PARD3: variants seen among roughly 807,000 people sequenced by gnomAD.
PARD3 encodes the protein par-3 family cell polarity regulator.
In PARD3, 75 loss-of-function variants were observed where a neutral mutation model predicts 155.4. That is an observed-to-expected ratio of 0.48 (90% CI 0.40 to 0.58). The LOEUF (loss-of-function observed/expected upper bound fraction) is 0.58. PARD3 is among the 20% of genes least tolerant of loss of function. PARD3 has a pLI of 0.00. For missense variants in PARD3, 1,642 were observed against 1,721.7 expected (o/e 0.95, Z 0.82); for synonymous variants, 576 against 610.5 (o/e 0.94, Z 0.83).
intron 5 of PARD3, among the ~76,000 whole-genome samples, chr10:34,448,589 CAGG>C (rs1251009500): frequency 6.6e-6 from 1 of 152,030 alleles, no homozygotes; most frequent in Non-Finnish European, 1.5e-5. Flanking sequence ...TGCTTGAGGC[CAGG>C]AGTTCAAGAC....
chr10:34,458,971 A>G (rs1016609008), intron 4 of PARD3, among the ~76,000 whole-genome samples: 2 of 152,188 alleles, frequency 1.3e-5, no homozygotes, highest in Non-Finnish European at 2.9e-5. Flanking sequence ...TGTGTGAAAG[A>G]ATAAATAAAT....
intron 22 of PARD3, among the ~76,000 whole-genome samples, chr10:34,255,339 C>T (rs919662542): frequency 1.3e-5 from 2 of 152,198 alleles, no homozygotes; most frequent in Non-Finnish European, 2.9e-5. Context: ...ACAACCTCAG[C>T]ACACCCCAAT....
intron 2 of PARD3, among the ~76,000 whole-genome samples, chr10:34,566,380 C>T (rs1249062223): frequency 6.6e-6 from 1 of 152,142 alleles, no homozygotes; most frequent in African/African-American, 2.4e-5. Context: ...CAGATTAAAA[C>T]CCTTGAAAAT....
At chr10:34,463,966 G>A (rs2077845413) in intron 4 of PARD3, among the ~76,000 whole-genome samples, 2 of 152,140 alleles carry the variant, frequency 1.3e-5, no homozygotes, top group Admixed American at 6.6e-5. Context: ...TTGTGTAAGT[G>A]CACTCTATGA....
At chr10:34,444,114 C>G (rs968468884) in intron 5 of PARD3, among the ~76,000 whole-genome samples, 1 of 152,220 alleles carries the variant, frequency 6.6e-6, no homozygotes, top group African/African-American at 2.4e-5. Context: ...AAGGTCAGGG[C>G]AGTCATTCCC....
intron 4 of PARD3, 47 bp downstream of exon 4, chr10:34,470,038 A>T: frequency 6.8e-7 from 1 of 1,469,618 alleles, no homozygotes; most frequent in East Asian, 2.4e-5. Flanking sequence ...GGACACCAAG[A>T]AGTCAGGAGG....
intron 5 of PARD3, among the ~76,000 whole-genome samples, chr10:34,431,802 C>A (rs1589551373): frequency 8.8e-6 from 1 of 113,724 alleles, no homozygotes; most frequent in Non-Finnish European, 1.9e-5. Flanking sequence ...GTAATCCCAG[C>A]AGTTTGGGAG....
intron 22 of PARD3, among the ~76,000 whole-genome samples, chr10:34,185,420 TA>T (rs1477322141): frequency 6.6e-6 from 1 of 152,178 alleles, no homozygotes; most frequent in Non-Finnish European, 1.5e-5. Flanking sequence ...CAAACATACT[TA>T]AAAAGAGAAA....
intron 2 of PARD3, among the ~76,000 whole-genome samples, chr10:34,522,443 T>C (rs1008553644): frequency 1.3e-5 from 2 of 152,232 alleles, no homozygotes; most frequent in Non-Finnish European, 2.9e-5. Context: ...CACTTATGCC[T>C]GCTCTGCCAG....
At chr10:34,448,360 T>A (rs1175046387) in intron 5 of PARD3, among the ~76,000 whole-genome samples, 1 of 149,232 alleles carries the variant, frequency 6.7e-6, no homozygotes, top group Non-Finnish European at 1.5e-5. Context: ...GCTAACAGAG[T>A]ACGATGGCAG....
At chr10:34,171,743 A>C (rs1231135082) in intron 22 of PARD3, among the ~76,000 whole-genome samples, 1 of 151,904 alleles carries the variant, frequency 6.6e-6, no homozygotes, top group Non-Finnish European at 1.5e-5. Context: ...TGAGGTCAGG[A>C]GTTCAAGACC....
At position 34,133,706 on chromosome 10, in the gene PARD3, A is replaced by G. The variant is rs114949340; in HGVS notation, c.3420-2123T>C. Among the ~76,000 whole-genome samples the G allele has an allele frequency of 3.5e-3, 527 of 152,326 alleles. 1 individual carries two copies. The highest frequency in any genetic ancestry group is 0.012 in the African/African-American group (492 of 41,566). On this transcript the variant is annotated intron_variant, in intron 22 of 24. Transcript: ENST00000374788. ...CACAGTAGAGTACGTAAAATTCTCAAACGGACATAAGTCTACATATAATTC... is the reference window on the plus strand; with the variant it reads ...CACAGTAGAGTACGTAAAATTCTCAGACGGACATAAGTCTACATATAATTC...
chr10:34,339,693 C>T (rs1279071102), intron 16 of PARD3, among the ~76,000 whole-genome samples: 6 of 152,110 alleles, frequency 3.9e-5, no homozygotes, highest in Non-Finnish European at 5.9e-5. Context: ...TTTGACATGG[C>T]CTTCGACAAC....
At chr10:34,177,058 G>C (rs1950064081) in intron 22 of PARD3, among the ~76,000 whole-genome samples, 1 of 151,726 alleles carries the variant, frequency 6.6e-6, no homozygotes, top group Non-Finnish European at 1.5e-5. Context: ...GTGTGTGTTG[G>C]TTTGGATGGG....
intron 2 of PARD3, among the ~76,000 whole-genome samples, chr10:34,684,254 G>A (rs2093900972): frequency 6.6e-6 from 1 of 152,184 alleles, no homozygotes; most frequent in Admixed American, 6.5e-5. Flanking sequence ...ACTGTCCTCA[G>A]AGATGACCAG....
chr10:34,721,749 C>T (rs2094609497), intron 1 of PARD3, among the ~76,000 whole-genome samples: 1 of 152,198 alleles, frequency 6.6e-6, no homozygotes, highest in Non-Finnish European at 1.5e-5. Context: ...GAAGATATAA[C>T]TAAAGCACTA....
chr10:34,745,044 C>G (rs532288718), intron 1 of PARD3, among the ~76,000 whole-genome samples: 1 of 152,306 alleles, frequency 6.6e-6, no homozygotes, highest in East Asian at 1.9e-4. Context: ...AATAACCTAG[C>G]AACCAACCTC....
chr10:34,384,341 A>C, intron 7 of PARD3, 87 bp from the exon 8 acceptor site: 1 of 1,225,104 alleles, frequency 8.2e-7, no homozygotes, highest in South Asian at 1.7e-5. Context: ...TATTATATTT[A>C]CAAAGATGTC....
At chr10:34,197,661 A>G (rs1951011112) in intron 22 of PARD3, among the ~76,000 whole-genome samples, 1 of 152,226 alleles carries the variant, frequency 6.6e-6, no homozygotes, top group African/African-American at 2.4e-5. Flanking sequence ...CAAGGTAACT[A>G]GTTCTTCGTT....
Sources: gnomAD v4.1 joint callset for allele counts (sites outside exome capture counted in the v4.1 genomes callset) on GRCh38, gnomAD v4.1.1 for gene constraint, MANE v1.5 for transcripts, NCBI Gene and HGNC (gene_info 2026-07-23, HGNC 2026-07-21) for gene names.